LRP1: variants seen among roughly 807,000 people sequenced by gnomAD.
The protein encoded by LRP1 is prolow-density lipoprotein receptor-related protein 1.
A neutral mutation model predicts 541.5 loss-of-function variants in LRP1; 51 were observed. That is an observed-to-expected ratio of 0.09 (90% confidence interval 0.08 to 0.12). The LOEUF is 0.12. Ranked by LOEUF, LRP1 falls within the 10% of genes least tolerant of loss-of-function variation. The probability of loss-of-function intolerance (pLI) is 1.00; values close to 1 mark genes in which losing one functional copy is unlikely to be tolerated. For missense variants in LRP1, 3,878 were observed against 6,376.2 expected, an observed-to-expected ratio of 0.61 and a Z score of 13.34; for synonymous variants, 2,219 against 2,470.8, an observed-to-expected ratio of 0.90 and a Z score of 3.02.
intron 12 of LRP1, 100 bp from the exon 13 acceptor site, chr12:57,160,793 C>A: frequency 4.9e-6 from 4 of 817,144 alleles, no homozygotes; most frequent in South Asian, 1.6e-5. Flanking sequence ...ACAGGAGACC[C>A]CTGTGAGGAG....
In LRP1 at chr12:57,156,213, G is replaced by A. The variant is rs755349301; in HGVS notation, c.1347G>A (p.Glu449=). ...VIRVNRFNST[E]YQVVTRVDKG... is the part of the protein sequence containing the mutation. The stretch of plus-strand genomic sequence containing the variant: ...GTGTGAACCGCTTTAACAGCACCGA[G>A]TACCAGGTTGTCACCCGGGTGGACA... Residue 449 remains glutamate, a synonymous_variant, in exon 9 of 89, where the codon GAG becomes GAA. Coordinates refer to ENST00000243077, the MANE Select transcript of LRP1 (RefSeq NM_002332.3). The surrounding 1 kb of genome is among the most constrained non-coding windows in gnomAD (Gnocchi z 5.2). The A allele has an allele frequency of 3.5e-5, 57 of 1,614,018 alleles. No homozygotes were observed. In the Middle Eastern group the frequency reaches 2.6e-3, roughly 74 times the overall value.
intron 70 of LRP1, 169 bp downstream of exon 70, chr12:57,203,690 G>A (rs2036707091): frequency 2.3e-6 from 2 of 888,394 alleles, no homozygotes; most frequent in East Asian, 2.9e-5. Context: ...GGACGTAGTA[G>A]TAAACAAGAC....
At chr12:57,190,734 C>T (rs1283847488) in intron 42 of LRP1, 71 bp from the exon 43 acceptor site, 25 of 1,436,018 alleles carry the variant, frequency 1.7e-5, no homozygotes, top group South Asian at 3.5e-5. Flanking sequence ...GGTGCCTACG[C>T]GTCCTGGCCT....
intron 42 of LRP1, 128 bp downstream of exon 42, chr12:57,187,584 T>A: frequency 1.1e-6 from 1 of 891,604 alleles, no homozygotes; most frequent in Non-Finnish European, 1.7e-6. Flanking sequence ...CCTTCCCTGC[T>A]GTGTGATCTG....
At chr12:57,149,842 T>C in intron 6 of LRP1, 1 of 684,764 alleles carries the variant, frequency 1.5e-6, no homozygotes, top group Non-Finnish European at 2.7e-6. Flanking sequence ...GGAGGTCTCC[T>C]TCCCACCTTC....
chr12:57,154,311 C>T lies in LRP1; in HGVS notation c.945C>T (p.Val315=). 4 of 1,614,166 alleles carry T rather than the reference C, an allele frequency of 2.5e-6. No homozygotes were observed. Among genetic ancestry groups the T allele is most frequent in the Non-Finnish European group, 3.4e-6 (4 of 1,179,994 alleles). ...GCAACAGAAATGGGGACACATGTGT[C>T]ACATTGCTAGACCTGGAACTCTACA... ...FVCNRNGDTC[V]TLLDLELYNP... Residue 315 remains valine, a synonymous_variant, in exon 7 of 89, where the codon GTC becomes GTT. Coordinates refer to ENST00000243077, the MANE Select transcript of LRP1 (RefSeq NM_002332.3). The surrounding 1 kb of genome is among the most constrained non-coding windows in gnomAD (Gnocchi z 4.6).
At position 57,185,355 on chromosome 12, in the gene LRP1, G is replaced by C; in HGVS notation, c.6463+150G>C. 7.3e-7 allele frequency: 1 copy of C among 1,376,042 alleles called. No individual in the cohort carries two copies. The highest frequency in any genetic ancestry group is 9.9e-7 in the Non-Finnish European group (1 of 1,015,022). The allele number at this position is 1,376,042 out of a possible 1,614,324, so 85.2% of individuals were successfully genotyped here. A position where few individuals can be genotyped will look rare whatever the true frequency, so the allele number is the denominator to read the frequency against. On this transcript the variant is annotated intron_variant, in intron 40 of 88. Transcript: ENST00000243077. The surrounding 1 kb of genome is among the most constrained non-coding windows in gnomAD (Gnocchi z 4.9). ...GGCCCGAGAGACCCAGGGATGGGGA[G>C]GAAAGGCTGAGGTGCTCTGGGACAG...
At position 57,154,682 on chromosome 12, in the gene LRP1, C is replaced by T; in HGVS notation, c.1208C>T (p.Thr403Ile). Residue 403 changes from threonine to isoleucine, a missense_variant, in exon 8 of 89, where the codon ACC becomes ATC. By Grantham distance (89) the Thr-to-Ile change is moderately conservative. Around this residue, in one of 13 missense-constraint regions of LRP1, gnomAD observed 496 missense variants for 861.0 expected, o/e 0.58. Transcript: ENST00000243077. The surrounding 1 kb of genome is among the most constrained non-coding windows in gnomAD (Gnocchi z 4.6). ...VVDYEGKGRQTIIQGILIEHL... is the reference protein window; with the variant it reads ...VVDYEGKGRQIIIQGILIEHL... ...GACTATGAGGGCAAGGGCCGCCAGACCATCATCCAGGGCATCCTGGTGAGG... is the reference window on the plus strand; with the variant it reads ...GACTATGAGGGCAAGGGCCGCCAGATCATCATCCAGGGCATCCTGGTGAGG... The T allele has an allele frequency of 6.4e-7, 1 of 1,564,820 alleles. No individual in the cohort carries two copies. Among genetic ancestry groups the T allele is most frequent in the South Asian group, 1.2e-5 (1 of 85,206 alleles).
At chr12:57,143,026 G>A (rs1382291976) in intron 3 of LRP1, among the ~76,000 whole-genome samples, 2 of 152,032 alleles carry the variant, frequency 1.3e-5, no homozygotes, top group African/African-American at 2.4e-5. Flanking sequence ...TCGCTGGTCT[G>A]GGGGGGCAAC....
In LRP1 at chr12:57,156,031, C is replaced by G. The variant is rs2035611730; in HGVS notation, c.1228-63C>G. 1 of 1,394,044 alleles carries G rather than the reference C, an allele frequency of 7.2e-7. No individual in the cohort carries two copies. The highest frequency in any genetic ancestry group is 1.3e-5 in the South Asian group (1 of 79,786). 86.4% of individuals were successfully genotyped at this position (1,394,044 alleles called of 1,614,324 possible). ...GAAGTCTGGAGGAAGCTGAGGGGAT[C>G]TCCAGGACAGAGGGAGGAACCCCTG... On this transcript the variant is annotated intron_variant, in intron 8 of 88. Transcript: ENST00000243077. This position sits in a 1 kb window ranked among gnomAD's most constrained non-coding sequence, Gnocchi z 5.2.
rs770776034 is a variant in LRP1, at chr12:57,178,927, C to G, written c.4644C>G (p.Pro1548=). 6.2e-7 allele frequency: 1 copy of G among 1,613,916 alleles called. No homozygotes were observed. Among genetic ancestry groups the G allele is most frequent in the African/African-American group, 1.3e-5 (1 of 74,928 alleles). ...NPCEANGGQG[P]CSHLCLINYN... is the part of the protein sequence containing the mutation. ...GTGAGGCCAATGGGGGCCAGGGCCCCTGCTCCCACCTGTGTCTCATCAACT... is the reference window on the plus strand; with the variant it reads ...GTGAGGCCAATGGGGGCCAGGGCCCGTGCTCCCACCTGTGTCTCATCAACT... The change falls in exon 28 of 89, where the codon CCC becomes CCG. Residue 1548 remains proline (P), a synonymous_variant. Coordinates refer to ENST00000243077, the MANE Select transcript of LRP1 (RefSeq NM_002332.3). This position sits in a 1 kb window ranked among gnomAD's most constrained non-coding sequence, Gnocchi z 5.8.
chr12:57,193,509 G>A (rs1013354878), intron 46 of LRP1, 57 bp from the exon 47 acceptor site: 74 of 1,592,676 alleles, frequency 4.6e-5, no homozygotes, highest in Admixed American at 2.0e-4. Flanking sequence ...ACGTCTCAGG[G>A]AGGCAGCCCT....
chr12:57,192,378 C>T (rs1341236859), intron 44 of LRP1, among the ~76,000 whole-genome samples: 1 of 152,184 alleles, frequency 6.6e-6, no homozygotes, highest in Non-Finnish European at 1.5e-5. Flanking sequence ...CATCCATGCC[C>T]TCGGTGCCCC....
At chr12:57,190,057 G>C (rs1289679217) in intron 42 of LRP1, among the ~76,000 whole-genome samples, 1 of 152,200 alleles carries the variant, frequency 6.6e-6, no homozygotes, top group African/African-American at 2.4e-5. Flanking sequence ...TTTACTGAGA[G>C]GAAACCAGGG....
intron 2 of LRP1, 99 bp from the exon 3 acceptor site, chr12:57,141,275 C>G: frequency 6.9e-7 from 1 of 1,448,150 alleles, no homozygotes; most frequent in Non-Finnish European, 9.4e-7. Flanking sequence ...CTCCTGAGAT[C>G]TGAAACCCCA....
chr12:57,178,788 C>A lies in LRP1; in HGVS notation c.4607-102C>A. 1 of 1,522,066 alleles carries A rather than the reference C, an allele frequency of 6.6e-7. No individual in the cohort carries two copies. The highest frequency in any genetic ancestry group is 8.8e-7 in the Non-Finnish European group (1 of 1,132,332). 94.3% of individuals were successfully genotyped at this position (1,522,066 alleles called of 1,614,324 possible). ...GAGAAGGGTCTAGTAGTAGCGGCTG[C>A]TGGAACAGGGGGAGGAGAGTGGGCG... On this transcript the variant is annotated intron_variant, in intron 27 of 88. Coordinates refer to ENST00000243077, the MANE Select transcript of LRP1 (RefSeq NM_002332.3). The surrounding 1 kb of genome is among the most constrained non-coding windows in gnomAD (Gnocchi z 5.8).
intron 3 of LRP1, among the ~76,000 whole-genome samples, chr12:57,142,855 C>T (rs1565715054): frequency 6.6e-6 from 1 of 152,158 alleles, no homozygotes; most frequent in Non-Finnish European, 1.5e-5. Flanking sequence ...GGCCCCCCAT[C>T]CCAACTCTTC....
At chr12:57,130,253 T>G (rs2035010587) in intron 1 of LRP1, among the ~76,000 whole-genome samples, 1 of 152,128 alleles carries the variant, frequency 6.6e-6, no homozygotes, top group Non-Finnish European at 1.5e-5. Context: ...TCCTCTGTCT[T>G]GCCAGATTGG....
Position 57,141,504 on chromosome 12 carries a change from C to G in LRP1, c.321C>G (p.His107Gln), listed in dbSNP as rs1004131993. 2.5e-6 allele frequency: 4 copies of G among 1,614,090 alleles called. No individual in the cohort carries two copies. The Admixed American group carries it at 5.0e-5, about 20-fold the overall frequency. The part of the protein sequence containing the change: ...DCMDGSDEGP[H>Q]CRELQGNCSR... ...TGGACGGCTCAGATGAGGGGCCCCA[C>G]TGCCGAGGTAAGGACTTTTCCACTC... Residue 107 changes from histidine (H) to glutamine (Q), a missense_variant, in exon 3 of 89, where the codon CAC (histidine) becomes CAG (glutamine). His to Gln is a conservative substitution (Grantham distance 24). This residue lies in a region of LRP1 where 293 missense variants were observed against 403.7 expected (regional missense o/e 0.73). Coordinates refer to ENST00000243077, the MANE Select transcript of LRP1 (RefSeq NM_002332.3).
Sources: gnomAD v4.1 joint callset for allele counts (sites outside exome capture counted in the v4.1 genomes callset) on GRCh38, gnomAD v4.1.1 for gene constraint, gnomAD v4.1.1 regional missense constraint, Gnocchi (gnomAD v3.1) non-coding constraint, MANE v1.5 for transcripts, NCBI Gene and HGNC (gene_info 2026-07-23, HGNC 2026-07-21) for gene names.